HDAC9: variants seen among roughly 807,000 people sequenced by gnomAD.
The protein encoded by HDAC9 is histone deacetylase 9.
HDAC9 carries 41 observed loss-of-function variants against 139.4 expected under a neutral mutation model. The observed-to-expected ratio is 0.29, with a 90% CI of 0.23 to 0.38. The LOEUF is 0.38. HDAC9 is among the 10% of genes least tolerant of loss of function. The pLI, the probability that HDAC9 is intolerant of heterozygous loss-of-function variation, is 1.00. For missense variants in HDAC9, 1,147 were observed against 1,297.0 expected, an observed-to-expected ratio of 0.88 and a Z score of 1.78; for synonymous variants, 517 against 476.2, an observed-to-expected ratio of 1.09 and a Z score of -1.12.
chr7:18,555,484 T>C (rs2128682247), intron 2 of HDAC9, among the ~76,000 whole-genome samples: 1 of 152,264 alleles, frequency 6.6e-6, no homozygotes, highest in East Asian at 1.9e-4. Flanking sequence ...GTGATGAAAT[T>C]ATTCTGAAAT....
chr7:18,981,818 C>T (rs1009445229), intron 25 of HDAC9, among the ~76,000 whole-genome samples: 3 of 152,146 alleles, frequency 2.0e-5, no homozygotes, highest in Non-Finnish European at 4.4e-5. Context: ...AACATATTCA[C>T]ACGTTCCAAG....
At chr7:18,534,224 G>A (rs967399171) in intron 2 of HDAC9, among the ~76,000 whole-genome samples, 10 of 152,190 alleles carry the variant, frequency 6.6e-5, no homozygotes, top group African/African-American at 2.4e-4. Flanking sequence ...AGCCCTTTCA[G>A]TGGGTACATG....
chr7:18,790,254 C>T (rs567571445), intron 16 of HDAC9, among the ~76,000 whole-genome samples: 25 of 152,142 alleles, frequency 1.6e-4, no homozygotes, highest in African/African-American at 3.9e-4. Flanking sequence ...AGTGTGCCCT[C>T]AAAATTTATG....
chr7:18,680,126 T>A (rs1781793248), intron 12 of HDAC9, among the ~76,000 whole-genome samples: 1 of 151,898 alleles, frequency 6.6e-6, no homozygotes, highest in South Asian at 2.1e-4. Context: ...TCTAGAAACA[T>A]GAAAGTATGG....
At chr7:18,235,383 C>A (rs184456463) in intron 2 of HDAC9, among the ~76,000 whole-genome samples, 9 of 151,806 alleles carry the variant, frequency 5.9e-5, no homozygotes, top group Non-Finnish European at 1.2e-4. Flanking sequence ...AAACAATGCA[C>A]AAGTTTTGAT....
At chr7:18,604,804 G>T (rs530824011) in intron 6 of HDAC9, among the ~76,000 whole-genome samples, 2 of 152,016 alleles carry the variant, frequency 1.3e-5, no homozygotes, top group South Asian at 4.2e-4. Flanking sequence ...ATCTGTTGTT[G>T]CATGTTGCCA....
intron 1 of HDAC9, among the ~76,000 whole-genome samples, chr7:18,161,692 A>G (rs531228666): frequency 6.6e-6 from 1 of 152,310 alleles, no homozygotes; most frequent in East Asian, 1.9e-4. Flanking sequence ...GAACAAGATT[A>G]CAAAAGACCT....
chr7:18,585,227 C>A (rs1453046374), intron 2 of HDAC9, 54 bp from the exon 3 acceptor site: 1 of 1,580,450 alleles, frequency 6.3e-7, no homozygotes, highest in African/African-American at 1.4e-5. Flanking sequence ...GTGCTAATTT[C>A]CAATCTTCTA....
chr7:18,123,577 G>C (rs1784483431), intron 1 of HDAC9, among the ~76,000 whole-genome samples: 1 of 152,110 alleles, frequency 6.6e-6, no homozygotes, highest in African/African-American at 2.4e-5. Context: ...GAATAGACTA[G>C]AATTTCACTG....
intron 2 of HDAC9, among the ~76,000 whole-genome samples, chr7:18,584,091 C>A (rs1472277789): frequency 6.6e-6 from 1 of 151,136 alleles, no homozygotes; most frequent in Admixed American, 6.6e-5. Context: ...ACCTGGATAT[C>A]CTGTCTGTGA....
At chr7:18,612,146 AAC>A (rs1294781130) in intron 6 of HDAC9, among the ~76,000 whole-genome samples, 1 of 152,118 alleles carries the variant, frequency 6.6e-6, no homozygotes. Context: ...GAAATAGATA[AAC>A]TTACAGGCCC....
chr7:18,889,126 C>A (rs1433978867), intron 22 of HDAC9, among the ~76,000 whole-genome samples: 2 of 152,204 alleles, frequency 1.3e-5, no homozygotes, highest in East Asian at 3.9e-4. Context: ...CTCTGCCAAC[C>A]CTTTTTTCAC....
chr7:18,867,022 T>C (rs1410457306), intron 21 of HDAC9, among the ~76,000 whole-genome samples: 4 of 152,256 alleles, frequency 2.6e-5, no homozygotes, highest in African/African-American at 7.2e-5. Flanking sequence ...TCTTTTCTGC[T>C]TACTGTGTTT....
chr7:18,995,922 C>A, intron 25 of HDAC9, 101 bp from the exon 26 acceptor site: 1 of 805,694 alleles, frequency 1.2e-6, no homozygotes. Context: ...CACAAATAAA[C>A]ATCAGAGAGA....
intron 2 of HDAC9, among the ~76,000 whole-genome samples, chr7:18,271,787 G>A (rs915616900): frequency 1.3e-5 from 2 of 152,102 alleles, no homozygotes; most frequent in Non-Finnish European, 2.9e-5. Context: ...TTTGATACCT[G>A]CCTTCTGCAG....
intron 22 of HDAC9, among the ~76,000 whole-genome samples, chr7:18,901,136 C>T (rs1474587646): frequency 6.6e-6 from 1 of 150,982 alleles, no homozygotes; most frequent in Non-Finnish European, 1.5e-5. Flanking sequence ...CAAAAAGATA[C>T]TTTATTCCCA....
chr7:18,944,570 T>C (rs1398306884), intron 23 of HDAC9, among the ~76,000 whole-genome samples: 1 of 152,126 alleles, frequency 6.6e-6, no homozygotes, highest in South Asian at 2.1e-4. Flanking sequence ...TTGTAAAATA[T>C]AACAATTATA....
chr7:18,327,179 A>G (rs1320624183), intron 1 of HDAC9, among the ~76,000 whole-genome samples: 1 of 151,742 alleles, frequency 6.6e-6, no homozygotes, highest in East Asian at 1.9e-4. Flanking sequence ...TTTCATTTTT[A>G]ATTAGTGCAT....
intron 2 of HDAC9, among the ~76,000 whole-genome samples, chr7:18,504,122 A>T (rs1450866418): frequency 6.6e-6 from 1 of 152,138 alleles, no homozygotes; most frequent in Non-Finnish European, 1.5e-5. Flanking sequence ...CACTGTTTTA[A>T]CTTTATTCTT....
Sources: allele counts gnomAD v4.1 joint callset (sites outside exome capture counted in the v4.1 genomes callset), GRCh38; gene constraint gnomAD v4.1.1; transcripts MANE v1.5; gene names NCBI Gene and HGNC (gene_info 2026-07-23, HGNC 2026-07-21).